Variants in RFPL1 observed in about 807,000 individuals in gnomAD.
The protein encoded by RFPL1 is ret finger protein-like 1.
RFPL1 carries 6 observed loss-of-function variants against 9.6 expected under a neutral mutation model. The ratio of observed to expected loss-of-function variants is 0.62; its 90% confidence interval spans 0.34 to 1.23. RFPL1 has a LOEUF of 1.23. Among genes scored for constraint, RFPL1 ranks in the 50% most tolerant of loss-of-function variants. The pLI, the probability that RFPL1 is intolerant of heterozygous loss-of-function variation, is 0.03. For missense variants in RFPL1, 352 were observed against 398.4 expected (o/e 0.88, Z 0.99); for synonymous variants, 145 against 149.4 (o/e 0.97, Z 0.22).
At chr22:29,394,519 T>C in the RFPL1 span, among the ~76,000 whole-genome samples, 8 of 152,122 alleles carry the variant, frequency 5.3e-5, no homozygotes, top group African/African-American at 1.9e-4. Flanking sequence ...ATTTTTGTAT[T>C]TTAGTAGAGA....
chr22:29,410,390 ATAT>A, the RFPL1 span, among the ~76,000 whole-genome samples: 3 of 79,056 alleles, frequency 3.8e-5, no homozygotes, highest in East Asian at 5.8e-4. Context: ...ATAGATATAT[ATAT>A]TGTAGATATA....
At chr22:29,416,708 A>G in the RFPL1 span, among the ~76,000 whole-genome samples, 3 of 152,348 alleles carry the variant, frequency 2.0e-5, 1 homozygote, top group South Asian at 6.2e-4. Context: ...TGCATGGAGC[A>G]CACACCATAC....
chr22:29,395,622 G>A, the RFPL1 span, among the ~76,000 whole-genome samples: 1 of 152,188 alleles, frequency 6.6e-6, no homozygotes, highest in African/African-American at 2.4e-5. Context: ...CTCTTGAAGA[G>A]CTCTGCTCTC....
chr22:29,432,476 C>G, the RFPL1 span, among the ~76,000 whole-genome samples: 1 of 152,114 alleles, frequency 6.6e-6, no homozygotes, highest in African/African-American at 2.4e-5. Context: ...CTTTCTAAAC[C>G]AAAGTATAAA....
At chr22:29,440,556 A>T (rs1226525411) in intron 1 of RFPL1, 3 of 152,104 alleles carry the variant, frequency 2.0e-5, no homozygotes, top group Non-Finnish European at 4.4e-5. Context: ...TCAGTCAGTT[A>T]TGACGAACAA....
the RFPL1 span, among the ~76,000 whole-genome samples, chr22:29,430,871 T>G: frequency 6.6e-6 from 1 of 152,198 alleles, no homozygotes; most frequent in African/African-American, 2.4e-5. Context: ...ATCCCAAATC[T>G]TATCAACACC....
chr22:29,409,291 T>C, the RFPL1 span, among the ~76,000 whole-genome samples: 1 of 152,228 alleles, frequency 6.6e-6, no homozygotes, highest in Non-Finnish European at 1.5e-5. Flanking sequence ...ACAAATGTAC[T>C]TCCTGTTTCT....
chr22:29,404,795 T>C, the RFPL1 span, among the ~76,000 whole-genome samples: 1 of 152,186 alleles, frequency 6.6e-6, no homozygotes, highest in Admixed American at 6.6e-5. Flanking sequence ...GGCCTGATCA[T>C]AGCTCACTGC....
rs143046334 is a variant in RFPL1, at chr22:29,438,979, G to A, written c.188G>A (p.Cys63Tyr). ...TGTGGATGCGCTGTCTGCTTCAAGT[G>A]CATCAATTCACTGCAGAAGGAGCCC... The change falls in exon 1 of 2, where the codon TGC (cysteine) becomes TAC (tyrosine). Residue 63 changes from cysteine (C) to tyrosine (Y), a missense_variant. Coordinates refer to ENST00000354373, the Ensembl canonical transcript of RFPL1. The A allele has an allele frequency of 7.6e-5, 122 of 1,613,956 alleles. No individual in the cohort carries two copies. In the African/African-American group the frequency reaches 1.5e-3, roughly 19 times the overall value.
chr22:29,437,690 G>T (rs2062815316), upstream of RFPL1: 1 of 1,585,640 alleles, frequency 6.3e-7, no homozygotes, highest in African/African-American at 1.4e-5. Flanking sequence ...TGAGCGCCCA[G>T]TGGAAGCAGC....
At chr22:29,413,148 T>C in the RFPL1 span, among the ~76,000 whole-genome samples, 3 of 151,306 alleles carry the variant, frequency 2.0e-5, no homozygotes, top group African/African-American at 7.3e-5. Flanking sequence ...TCTGGAGCTG[T>C]CCCATCTAGT....
At chr22:29,432,024 T>C in the RFPL1 span, among the ~76,000 whole-genome samples, 1 of 152,172 alleles carries the variant, frequency 6.6e-6, no homozygotes, top group Non-Finnish European at 1.5e-5. Context: ...ACATTCTCTT[T>C]TTCTCATACC....
the RFPL1 span, among the ~76,000 whole-genome samples, chr22:29,398,401 C>A: frequency 6.6e-6 from 1 of 152,194 alleles, no homozygotes; most frequent in East Asian, 1.9e-4. Context: ...ACGCAAAAAT[C>A]ATGAAACTGG....
the RFPL1 span, among the ~76,000 whole-genome samples, chr22:29,419,594 G>C: frequency 4.4e-4 from 67 of 152,058 alleles, no homozygotes; most frequent in Non-Finnish European, 6.5e-4. Flanking sequence ...CACGAGGCCA[G>C]GAGATCAAGA....
chr22:29,435,689 C>CA (rs1283927756), upstream of RFPL1, among the ~76,000 whole-genome samples: 333 of 152,072 alleles, frequency 2.2e-3, 3 homozygotes, highest in African/African-American at 7.7e-3. Flanking sequence ...TTTAATAGAA[C>CA]TAAATGTAGG....
the RFPL1 span, among the ~76,000 whole-genome samples, chr22:29,406,153 A>AAAAAAAAAAC: frequency 7.5e-6 from 1 of 134,120 alleles, no homozygotes; most frequent in Non-Finnish European, 1.6e-5. Flanking sequence ...AAAATAAAAA[A>AAAAAAAAAAC]AAAGAAATAA....
the RFPL1 span, among the ~76,000 whole-genome samples, chr22:29,390,582 TTTTATTTA>T: frequency 1.2e-4 from 18 of 146,932 alleles, no homozygotes; most frequent in South Asian, 2.2e-4. Context: ...CTTATTCCAT[TTTTATTTA>T]TTTATTTATT....
chr22:29,429,236 G>A, the RFPL1 span, among the ~76,000 whole-genome samples: 16 of 152,172 alleles, frequency 1.1e-4, no homozygotes, highest in Non-Finnish European at 1.8e-4. Flanking sequence ...TCTATTTTTT[G>A]TAGAGACGAG....
At chr22:29,417,382 C>A in the RFPL1 span, among the ~76,000 whole-genome samples, 1 of 151,776 alleles carries the variant, frequency 6.6e-6, no homozygotes, top group Non-Finnish European at 1.5e-5. Context: ...CTGCAGAGCC[C>A]CTTCCCGGAG....
Sources: allele counts gnomAD v4.1 joint callset (sites outside exome capture counted in the v4.1 genomes callset), GRCh38; gene constraint gnomAD v4.1.1; transcripts MANE v1.5; gene names NCBI Gene and HGNC (gene_info 2026-07-23, HGNC 2026-07-21).